Variants in TOX2 observed in about 807,000 individuals in gnomAD.
The protein encoded by TOX2 is granulosa cell HMG box 1.
In TOX2, 15 loss-of-function variants were observed where a neutral mutation model predicts 47.4. That is an observed-to-expected ratio of 0.32 (90% CI 0.21 to 0.49). The LOEUF (loss-of-function observed/expected upper bound fraction) is 0.49. Ranked by LOEUF, TOX2 falls within the 20% of genes least tolerant of loss-of-function variation. The probability of loss-of-function intolerance (pLI) is 0.99; values close to 1 mark genes in which losing one functional copy is unlikely to be tolerated. For missense variants in TOX2, 622 were observed against 673.1 expected, an observed-to-expected ratio of 0.92 and a Z score of 0.84; for synonymous variants, 290 against 296.6, an observed-to-expected ratio of 0.98 and a Z score of 0.23.
At chr20:43,957,907 C>T (rs540504184) in intron 1 of TOX2, among the ~76,000 whole-genome samples, 71 of 152,278 alleles carry the variant, frequency 4.7e-4, no homozygotes, top group African/African-American at 1.7e-3. Context: ...ACAACCAGAT[C>T]TCATGAGAAC....
At chr20:43,980,589 G>A (rs1488108103) in intron 2 of TOX2, among the ~76,000 whole-genome samples, 1 of 152,158 alleles carries the variant, frequency 6.6e-6, no homozygotes, top group Non-Finnish European at 1.5e-5. Context: ...CTTATTGCAT[G>A]CCTGTATCAA....
chr20:44,016,141 G>C (rs1014219439), intron 3 of TOX2, among the ~76,000 whole-genome samples: 1 of 151,938 alleles, frequency 6.6e-6, no homozygotes, highest in Non-Finnish European at 1.5e-5. Context: ...AGAGGATGGG[G>C]CACAGATATT....
At chr20:43,959,317 G>A (rs978877839) in intron 1 of TOX2, among the ~76,000 whole-genome samples, 1 of 152,164 alleles carries the variant, frequency 6.6e-6, no homozygotes, top group Admixed American at 6.5e-5. Flanking sequence ...CAGTGTTCTC[G>A]CAGCTCCCAG....
intron 1 of TOX2, among the ~76,000 whole-genome samples, chr20:43,921,152 A>G (rs1013554370): frequency 6.6e-6 from 1 of 152,158 alleles, no homozygotes; most frequent in African/African-American, 2.4e-5. Context: ...AGCTTCCCCA[A>G]GTGGGCTCGG....
intron 5 of TOX2, among the ~76,000 whole-genome samples, chr20:44,056,694 C>T (rs923108286): frequency 6.6e-6 from 1 of 152,126 alleles, no homozygotes; most frequent in Non-Finnish European, 1.5e-5. Context: ...CGTTCTTTTA[C>T]TTAATGCGTT....
Position 43,914,916 on chromosome 20 carries a change from G to T in TOX2, c.25G>T (p.Ala9Ser), listed in dbSNP as rs909809329. 1 of 1,156,876 alleles carries T rather than the reference G, an allele frequency of 8.6e-7. No homozygotes were observed. Among genetic ancestry groups the T allele is most frequent in the Non-Finnish European group, 1.1e-6 (1 of 942,492 alleles). The allele number at this position is 1,156,876 out of a possible 1,614,324, so 71.7% of individuals were successfully genotyped here. Reference sequence around the variant, plus strand: ...CATGGACGTCCGCCTGTACCCCTCGGCGCCCGCGGTGGGCGCGCGGCCCGG... The same window carrying T: ...CATGGACGTCCGCCTGTACCCCTCGTCGCCCGCGGTGGGCGCGCGGCCCGG... MDVRLYPS[A>S]PAVGARPGAE... Residue 9 changes from alanine to serine, a missense_variant, in exon 1 of 9, where the codon GCG becomes TCG. Ala to Ser is a moderately conservative substitution (Grantham distance 99). Transcript: ENST00000341197. This position sits in a 1 kb window ranked among gnomAD's most constrained non-coding sequence, Gnocchi z 4.5.
intron 3 of TOX2, among the ~76,000 whole-genome samples, chr20:44,046,710 C>A (rs1490002872): frequency 6.6e-6 from 1 of 151,916 alleles, no homozygotes; most frequent in East Asian, 1.9e-4. Context: ...AGATTTTACA[C>A]CTAAAGTAAA....
intron 2 of TOX2, among the ~76,000 whole-genome samples, chr20:43,974,393 A>G (rs2070035618): frequency 6.6e-6 from 1 of 152,218 alleles, no homozygotes; most frequent in South Asian, 2.1e-4. Flanking sequence ...GCAGAATGTG[A>G]TACCAGGAAG....
At chr20:43,998,999 A>AGGAG (rs1441210020) in intron 2 of TOX2, among the ~76,000 whole-genome samples, 61 of 152,272 alleles carry the variant, frequency 4.0e-4, no homozygotes, top group African/African-American at 1.3e-3. Flanking sequence ...ACCTGAGGTG[A>AGGAG]TCTACCCACC....
At chr20:44,046,914 T>C (rs2071417887) in intron 3 of TOX2, among the ~76,000 whole-genome samples, 1 of 152,158 alleles carries the variant, frequency 6.6e-6, no homozygotes, top group South Asian at 2.1e-4. Context: ...CTAAAAGTTT[T>C]TAAAAAGGAA....
intron 1 of TOX2, among the ~76,000 whole-genome samples, chr20:43,917,499 G>A (rs561764405): frequency 7.9e-5 from 12 of 152,228 alleles, no homozygotes; most frequent in Non-Finnish European, 1.8e-4. Context: ...CCGCAGACAA[G>A]AGGCTCGTTG....
At chr20:43,926,412 A>G (rs909528687) in intron 1 of TOX2, among the ~76,000 whole-genome samples, 1 of 152,122 alleles carries the variant, frequency 6.6e-6, no homozygotes, top group African/African-American at 2.4e-5. Context: ...AAGCTGTATG[A>G]CTTTGGACCT....
At chr20:44,061,042 G>T (rs867902254) in intron 5 of TOX2, among the ~76,000 whole-genome samples, 123 of 152,148 alleles carry the variant, frequency 8.1e-4, no homozygotes, top group African/African-American at 2.9e-3. Context: ...ATCCAAATAA[G>T]CTCAATTAGA....
intron 1 of TOX2, chr20:43,955,336 C>T (rs1412900892): frequency 1.3e-5 from 13 of 980,564 alleles, no homozygotes; most frequent in South Asian, 4.7e-5. Context: ...TGGCAGCCAT[C>T]GCAGAGCCTG....
intron 5 of TOX2, among the ~76,000 whole-genome samples, chr20:44,057,563 C>CT (rs2071643188): frequency 6.6e-6 from 1 of 152,176 alleles, no homozygotes; most frequent in South Asian, 2.1e-4. Context: ...TCTTTCAAAT[C>CT]ATCAAAGAGC....
chr20:43,964,247 T>C (rs1304614929), intron 1 of TOX2, among the ~76,000 whole-genome samples: 2 of 152,208 alleles, frequency 1.3e-5, no homozygotes, highest in Admixed American at 1.3e-4. Context: ...CGGGTCAGGC[T>C]GAGACTGAGG....
intron 1 of TOX2, among the ~76,000 whole-genome samples, chr20:43,961,648 G>C (rs6031263): frequency 0.067 from 10,138 of 152,144 alleles, 390 homozygotes; most frequent in South Asian, 0.13. Context: ...GAGCCCACAG[G>C]CTCTGATGAA....
intron 7 of TOX2, 44 bp from the exon 8 acceptor site, chr20:44,066,686 C>G: frequency 6.2e-7 from 1 of 1,613,772 alleles, no homozygotes; most frequent in Non-Finnish European, 8.5e-7. Flanking sequence ...AGTCTGCCCC[C>G]TCATCTCTCC....
chr20:43,955,110 AT>A (rs1409588615), intron 1 of TOX2: 1 of 361,684 alleles, frequency 2.8e-6, no homozygotes, highest in Non-Finnish European at 3.8e-6. Flanking sequence ...GAATATTCAT[AT>A]GTTCCACTGC....
Sources: gnomAD v4.1 joint callset for allele counts (sites outside exome capture counted in the v4.1 genomes callset) on GRCh38, gnomAD v4.1.1 for gene constraint, Gnocchi (gnomAD v3.1) non-coding constraint, MANE v1.5 for transcripts, NCBI Gene and HGNC (gene_info 2026-07-23, HGNC 2026-07-21) for gene names.